ZFYVE26: variants seen among roughly 807,000 people sequenced by gnomAD.
ZFYVE26 encodes the protein zinc finger FYVE-type containing 26, also known as zinc finger FYVE domain-containing protein 26.
A neutral mutation model predicts 276.5 loss-of-function variants in ZFYVE26; 181 were observed. That is an observed-to-expected ratio of 0.65 (90% CI 0.58 to 0.74). The LOEUF (loss-of-function observed/expected upper bound fraction) is 0.74, where lower values mean the gene tolerates loss of function less well. ZFYVE26 is among the 30% of genes least tolerant of loss of function. The probability of loss-of-function intolerance (pLI) is 0.00; values close to 1 mark genes in which losing one functional copy is unlikely to be tolerated. For missense variants in ZFYVE26, 2,821 were observed against 3,097.9 expected (o/e 0.91, Z 2.12); for synonymous variants, 1,129 against 1,203.1 (o/e 0.94, Z 1.27).
At chr14:67,771,508 G>A (rs999004916) in intron 28 of ZFYVE26, among the ~76,000 whole-genome samples, 1 of 152,224 alleles carries the variant, frequency 6.6e-6, no homozygotes, top group Non-Finnish European at 1.5e-5. Context: ...GCGTTGAGCT[G>A]ATGTGGCATA....
At chr14:67,773,603 C>T (rs1041326564) in intron 27 of ZFYVE26, among the ~76,000 whole-genome samples, 2 of 151,632 alleles carry the variant, frequency 1.3e-5, no homozygotes, top group Non-Finnish European at 2.9e-5. Flanking sequence ...CATTTATGCT[C>T]AGGCTGCCAT....
At chr14:67,769,505 G>T in intron 29 of ZFYVE26, 89 bp downstream of exon 29, 1 of 1,570,938 alleles carries the variant, frequency 6.4e-7, no homozygotes. Flanking sequence ...GATTTGAAAT[G>T]CTCTCATAAT....
intron 35 of ZFYVE26, among the ~76,000 whole-genome samples, chr14:67,760,017 G>A (rs1246718199): frequency 7.2e-5 from 11 of 151,956 alleles, no homozygotes; most frequent in Admixed American, 7.2e-4. Context: ...TCAGTTCAAG[G>A]GTAACTATGA....
intron 12 of ZFYVE26, chr14:67,796,159 C>T (rs902449646): frequency 6.6e-6 from 1 of 151,818 alleles, no homozygotes; most frequent in African/African-American, 2.4e-5. Flanking sequence ...TTCTGTAGCA[C>T]TGCAGGATGA....
rs1462009616 is a variant in ZFYVE26, at chr14:67,784,636, GAC to G, written c.3524-202_3524-201del. Reference sequence around the variant, plus strand: ...ATCTATATCTTACCACTGCTCTAAAGACTTCCAACCCCAGACGAACTTCAGTG... The same window carrying G: ...ATCTATATCTTACCACTGCTCTAAAGTTCCAACCCCAGACGAACTTCAGTG... On this transcript the variant is annotated intron_variant, in intron 19 of 41. Coordinates refer to ENST00000347230, the MANE Select transcript of ZFYVE26 (RefSeq NM_015346.4). Among the ~76,000 whole-genome samples the G allele has an allele frequency of 4.6e-5, 7 of 152,248 alleles. No individual in the cohort carries two copies. In the South Asian group the frequency reaches 6.2e-4, roughly 14 times the overall value.
chr14:67,760,348 C>A (rs1234893772), intron 35 of ZFYVE26, among the ~76,000 whole-genome samples: 1 of 152,208 alleles, frequency 6.6e-6, no homozygotes, highest in Non-Finnish European at 1.5e-5. Context: ...AAAACACCCC[C>A]CTTCAGTGTC....
chr14:67,737,527 T>C (rs929504594), intron 13 of ZFYVE26, among the ~76,000 whole-genome samples: 1 of 152,070 alleles, frequency 6.6e-6, no homozygotes, highest in African/African-American at 2.4e-5. Flanking sequence ...ACCCTCATGA[T>C]TCAGTCAACT....
rs751528400 is a variant in ZFYVE26 at position 67,778,210 on chromosome 14, G to A, written c.4713C>T (p.Pro1571=). 6.2e-7 allele frequency: 1 copy of A among 1,614,144 alleles called. No homozygotes were observed. The change falls in exon 24 of 42, where the codon CCC becomes CCT. Residue 1571 remains proline (P), a synonymous_variant. Transcript: ENST00000347230. ...ELCEEWGCLY[P]IPREHLISLH... ...GGCTGATTAAATGTTCTCTTGGAAT[G>A]GGGTACAGGCAGCCCCACTCTTCAC... is the stretch of plus-strand genomic sequence containing the variant.
At chr14:67,759,228 G>C (rs1319447017) in intron 35 of ZFYVE26, among the ~76,000 whole-genome samples, 1 of 122,538 alleles carries the variant, frequency 8.2e-6, no homozygotes, top group African/African-American at 3.1e-5. Flanking sequence ...CTGGGCGACA[G>C]AGCCAGACTC....
intron 13 of ZFYVE26, among the ~76,000 whole-genome samples, chr14:67,740,043 C>T (rs1261158145): frequency 6.6e-6 from 1 of 152,140 alleles, no homozygotes; most frequent in Non-Finnish European, 1.5e-5. Flanking sequence ...CCATTATTTC[C>T]CAGGACCTCA....
At chr14:67,794,324 C>A in intron 12 of ZFYVE26, 85 bp from the exon 13 acceptor site, 1 of 1,289,380 alleles carries the variant, frequency 7.8e-7, no homozygotes, top group Non-Finnish European at 1.1e-6. Flanking sequence ...CAGCCAAGAT[C>A]TGTGTAGTTA....
chr14:67,783,705 C>A (rs527648950), intron 20 of ZFYVE26, among the ~76,000 whole-genome samples, 180 bp from the exon 21 acceptor site: 1 of 152,010 alleles, frequency 6.6e-6, no homozygotes, highest in Non-Finnish European at 1.5e-5. Flanking sequence ...TATGTTTTCA[C>A]GAACACTTCT....
chr14:67,778,056 T>C (rs894223034), intron 24 of ZFYVE26, 70 bp downstream of exon 24: 1 of 1,602,814 alleles, frequency 6.2e-7, no homozygotes, highest in African/African-American at 1.3e-5. Flanking sequence ...AACATGAAAA[T>C]AAAGCCATCT....
intron 13 of ZFYVE26, among the ~76,000 whole-genome samples, chr14:67,739,399 T>C (rs2038388799): frequency 6.6e-6 from 1 of 152,214 alleles, no homozygotes; most frequent in Non-Finnish European, 1.5e-5. Context: ...TTGGGACTTC[T>C]TGTTACACAA....
Position 67,775,216 on chromosome 14 carries a change from T to G in ZFYVE26, c.5222-102A>C. Reference sequence around the variant, plus strand: ...AAAGCTCTGTTGGCTTCTCTGATTGTCATTCCATGACTCTACTAGGTATTA... The same window carrying G: ...AAAGCTCTGTTGGCTTCTCTGATTGGCATTCCATGACTCTACTAGGTATTA... On this transcript the variant is annotated intron_variant, in intron 26 of 41. Transcript: ENST00000347230. 9 of 764,166 alleles carry G rather than the reference T, an allele frequency of 1.2e-5. No individual in the cohort carries two copies. The South Asian group carries it at 1.7e-4, about 14-fold the overall frequency. 47.3% of individuals were successfully genotyped at this position (764,166 alleles called of 1,614,324 possible). A position where few individuals can be genotyped will look rare whatever the true frequency, so the allele number is the denominator to read the frequency against.
chr14:67,760,493 T>C (rs906250582), intron 35 of ZFYVE26, among the ~76,000 whole-genome samples: 3 of 152,206 alleles, frequency 2.0e-5, no homozygotes, highest in Non-Finnish European at 4.4e-5. Flanking sequence ...AAAGTCTGCC[T>C]TGAGCTCCTT....
chr14:67,808,682 C>T (rs773001597), intron 4 of ZFYVE26, among the ~76,000 whole-genome samples: 1 of 152,000 alleles, frequency 6.6e-6, no homozygotes, highest in Non-Finnish European at 1.5e-5. Context: ...GAGTCCTTTA[C>T]CTAATACAAG....
intron 16 of ZFYVE26, among the ~76,000 whole-genome samples, chr14:67,788,636 C>T (rs2039721512): frequency 6.6e-6 from 1 of 152,176 alleles, no homozygotes; most frequent in Non-Finnish European, 1.5e-5. Flanking sequence ...AATCTTAGCT[C>T]TATGACGATA....
intron 12 of ZFYVE26, chr14:67,796,884 A>C (rs911705311): frequency 6.6e-6 from 1 of 152,172 alleles, no homozygotes; most frequent in Admixed American, 6.5e-5. Flanking sequence ...CCCAGGAGGC[A>C]GAGGTTGCAT....
Sources: gnomAD v4.1 joint callset for allele counts (sites outside exome capture counted in the v4.1 genomes callset) on GRCh38, gnomAD v4.1.1 for gene constraint, MANE v1.5 for transcripts, NCBI Gene and HGNC (gene_info 2026-07-23, HGNC 2026-07-21) for gene names.